The following SRPX variants were observed in gnomAD, a reference collection of about 807,000 sequenced individuals.
SRPX encodes the protein sushi repeat containing protein X-linked.
Under a neutral mutation model 38.1 loss-of-function variants are expected in SRPX, and 24 were observed. The ratio of observed to expected loss-of-function variants is 0.63; its 90% CI spans 0.46 to 0.89. The LOEUF (loss-of-function observed/expected upper bound fraction) is 0.89, where lower values mean the gene tolerates loss of function less well. Among genes scored for constraint, SRPX ranks in the 40% least tolerant of loss-of-function variants. SRPX has a pLI of 0.00. For synonymous variants in SRPX, 184 were observed against 153.8 expected, an observed-to-expected ratio of 1.20 and a Z score of -1.45; for missense variants, 416 against 377.8, an observed-to-expected ratio of 1.10 and a Z score of -0.84.
intron 4 of SRPX, among the ~76,000 whole-genome samples, chrX:38,169,692 T>C (rs184407552): frequency 3.6e-5 from 4 of 111,896 alleles, no homozygotes; most frequent in African/African-American, 1.3e-4. Flanking sequence ...TTTGCTGGTT[T>C]TTCATTGTCC....
chrX:38,213,997 G>A (rs961881622), intron 1 of SRPX, among the ~76,000 whole-genome samples: 4 of 111,902 alleles, frequency 3.6e-5, no homozygotes, highest in Non-Finnish European at 7.5e-5. Flanking sequence ...TTCAACATGA[G>A]ATTTGGGTGG....
At chrX:38,199,026 T>G (rs1302922591) in intron 1 of SRPX, among the ~76,000 whole-genome samples, 1 of 111,084 alleles carries the variant, frequency 9.0e-6, no homozygotes, top group Non-Finnish European at 1.9e-5. Context: ...AAACCGCAAT[T>G]ACTTTTGCAC....
chrX:38,172,027 G>A lies in SRPX; in HGVS notation c.380C>T (p.Ala127Val). ...QKRCPTLAMP[A>V]NGGFKCVDGA... ...ATCTACACACTTAAACCCTCCATTT[G>A]CTGGCATGGCAAGGGTAGGACATCG... Residue 127 changes from alanine to valine, a missense_variant, in exon 4 of 10, where the codon GCA (alanine) becomes GTA (valine). By Grantham distance (64) the Ala-to-Val change is moderately conservative. Transcript: ENST00000378533. 1 of 1,211,410 alleles carries A rather than the reference G, an allele frequency of 8.3e-7. No homozygotes were observed. The highest frequency in any genetic ancestry group is 1.7e-5 in the African/African-American group (1 of 57,907).
chrX:38,185,060 C>G (rs898573961), intron 1 of SRPX, among the ~76,000 whole-genome samples: 1 of 111,928 alleles, frequency 8.9e-6, no homozygotes, highest in East Asian at 2.8e-4. Context: ...AGGCCTAGAC[C>G]TAACTTTTTA....
At chrX:38,220,169 G>T (rs761931202) in intron 1 of SRPX, among the ~76,000 whole-genome samples, 7 of 113,456 alleles carry the variant, frequency 6.2e-5, no homozygotes, top group Non-Finnish European at 1.1e-4. Flanking sequence ...TCCCCAGCAG[G>T]GGGGGTTAAG....
chrX:38,204,178 T>C (rs1939170144), intron 1 of SRPX, among the ~76,000 whole-genome samples: 1 of 111,535 alleles, frequency 9.0e-6, no homozygotes, highest in South Asian at 3.7e-4. Flanking sequence ...AACTGATCAG[T>C]AGGTGTGACA....
chrX:38,181,530 T>C (rs1363860538), intron 1 of SRPX, among the ~76,000 whole-genome samples: 1 of 111,466 alleles, frequency 9.0e-6, no homozygotes, highest in Non-Finnish European at 1.9e-5. Flanking sequence ...CTTTGTGTGG[T>C]AGGGAGGATA....
chrX:38,152,573 C>G (rs1178327000), intron 9 of SRPX, among the ~76,000 whole-genome samples: 1 of 112,113 alleles, frequency 8.9e-6, no homozygotes, highest in Non-Finnish European at 1.9e-5. Flanking sequence ...CCAGGGGATT[C>G]TGATGGAGGT....
chrX:38,199,008 A>G (rs1939053814), intron 1 of SRPX, among the ~76,000 whole-genome samples: 1 of 110,833 alleles, frequency 9.0e-6, no homozygotes. Flanking sequence ...TTTCATTGCC[A>G]TTGGCAAAAA....
intron 8 of SRPX, 90 bp from the exon 9 acceptor site, chrX:38,154,673 C>T (rs1311935308): frequency 1.8e-6 from 2 of 1,087,544 alleles, no homozygotes; most frequent in Non-Finnish European, 2.5e-6. Context: ...GCAGCACTGG[C>T]CTGTCTCTGG....
intron 8 of SRPX, among the ~76,000 whole-genome samples, chrX:38,154,979 A>G (rs761771674): frequency 1.8e-3 from 203 of 109,864 alleles, no homozygotes; most frequent in African/African-American, 6.4e-3. Flanking sequence ...CACTCTCCAC[A>G]CTCCCCTGCC....
intron 1 of SRPX, among the ~76,000 whole-genome samples, chrX:38,220,460 C>G (rs1939495805): frequency 8.8e-6 from 1 of 113,867 alleles, no homozygotes; most frequent in South Asian, 3.5e-4. Context: ...GGTGCTAGGG[C>G]TCCCGTCGCC....
intron 7 of SRPX, among the ~76,000 whole-genome samples, chrX:38,157,403 G>A (rs747799931): frequency 9.0e-6 from 1 of 111,072 alleles, no homozygotes; most frequent in South Asian, 3.9e-4. Context: ...TTTCAGCATC[G>A]AGAGGCCACA....
intron 1 of SRPX, among the ~76,000 whole-genome samples, chrX:38,212,326 T>C (rs1285394526): frequency 1.8e-5 from 2 of 111,386 alleles, no homozygotes; most frequent in Non-Finnish European, 3.8e-5. Flanking sequence ...TGCTGGGGAC[T>C]TAGGAAAGGA....
At chrX:38,178,651 A>G (rs777301676) in intron 1 of SRPX, among the ~76,000 whole-genome samples, 1 of 112,035 alleles carries the variant, frequency 8.9e-6, no homozygotes, top group Non-Finnish European at 1.9e-5. Flanking sequence ...ATGCCAATGT[A>G]TATGAATCTC....
intron 1 of SRPX, among the ~76,000 whole-genome samples, chrX:38,192,840 C>T (rs1319841966): frequency 8.9e-6 from 1 of 112,267 alleles, no homozygotes; most frequent in Admixed American, 9.4e-5. Context: ...GGGCAGTTCT[C>T]AGAAACCATG....
At chrX:38,220,627 A>T (rs1208855892) in intron 1 of SRPX, 69 bp downstream of exon 1, 1 of 1,153,653 alleles carries the variant, frequency 8.7e-7, no homozygotes, top group Admixed American at 2.6e-5. Flanking sequence ...TCCCGAGCGA[A>T]GGGTCCCAAC....
intron 1 of SRPX, among the ~76,000 whole-genome samples, chrX:38,204,381 T>C (rs1346772155): frequency 8.9e-6 from 1 of 112,334 alleles, no homozygotes; most frequent in Non-Finnish European, 1.9e-5. Context: ...AATAAGCACA[T>C]AAACCAATGG....
chrX:38,202,796 A>G (rs1939136334), intron 1 of SRPX, among the ~76,000 whole-genome samples: 1 of 112,444 alleles, frequency 8.9e-6, no homozygotes, highest in Non-Finnish European at 1.9e-5. Context: ...TGAATAGATA[A>G]TCTTCCTAAA....
Sources: allele counts gnomAD v4.1 joint callset (sites outside exome capture counted in the v4.1 genomes callset), GRCh38; gene constraint gnomAD v4.1.1; transcripts MANE v1.5; gene names NCBI Gene and HGNC (gene_info 2026-07-23, HGNC 2026-07-21).